INTS7: variants seen among roughly 807,000 people sequenced by gnomAD.
The protein encoded by INTS7 is integrator complex subunit 7.
Under a neutral mutation model 109.2 loss-of-function variants are expected in INTS7, and 46 were observed. The ratio of observed to expected loss-of-function variants is 0.42; its 90% confidence interval spans 0.33 to 0.54. The LOEUF (loss-of-function observed/expected upper bound fraction) is 0.54. INTS7 is among the 20% of genes least tolerant of loss of function. The pLI is 0.07. For synonymous variants in INTS7, 412 were observed against 402.9 expected (o/e 1.02, Z -0.27); for missense variants, 929 against 1,132.4 (o/e 0.82, Z 2.58).
chr1:212,010,522 G>A (rs973542672), intron 5 of INTS7, among the ~76,000 whole-genome samples: 1 of 151,932 alleles, frequency 6.6e-6, no homozygotes, highest in Non-Finnish European at 1.5e-5. Context: ...CTCTCACACA[G>A]AGCAGTCTTC....
intron 16 of INTS7, among the ~76,000 whole-genome samples, chr1:211,956,578 T>C (rs528046952): frequency 1.3e-5 from 2 of 152,226 alleles, no homozygotes; most frequent in African/African-American, 2.4e-5. Flanking sequence ...AGATTTGTAA[T>C]GATGCCACTA....
intron 7 of INTS7, among the ~76,000 whole-genome samples, chr1:212,005,987 CATG>C (rs1171273733): frequency 1.3e-5 from 2 of 152,102 alleles, no homozygotes; most frequent in African/African-American, 2.4e-5. Flanking sequence ...CCACTGGAGT[CATG>C]ATGAAGCTGA....
intron 1 of INTS7, among the ~76,000 whole-genome samples, chr1:212,024,762 T>C (rs1666849035): frequency 6.6e-6 from 1 of 152,134 alleles, no homozygotes; most frequent in Non-Finnish European, 1.5e-5. Context: ...TACAAACACA[T>C]AGTCTGCTAT....
intron 16 of INTS7, among the ~76,000 whole-genome samples, chr1:211,954,973 T>C (rs1233293841): frequency 2.6e-5 from 4 of 152,348 alleles, no homozygotes; most frequent in Admixed American, 2.6e-4. Flanking sequence ...ATTGAATCTA[T>C]AAATTACCTT....
At chr1:211,947,237 C>T (rs1333346067) in intron 17 of INTS7, among the ~76,000 whole-genome samples, 1 of 152,120 alleles carries the variant, frequency 6.6e-6, no homozygotes, top group African/African-American at 2.4e-5. Context: ...AATCCTGAAA[C>T]TCTAATAAAA....
intron 17 of INTS7, among the ~76,000 whole-genome samples, chr1:211,947,333 G>A (rs1442430804): frequency 6.6e-6 from 1 of 152,148 alleles, no homozygotes; most frequent in Admixed American, 6.5e-5. Context: ...ACACCACAGA[G>A]AATATTTTGA....
At chr1:211,974,579 C>CA (rs1664335463) in intron 13 of INTS7, among the ~76,000 whole-genome samples, 1 of 151,740 alleles carries the variant, frequency 6.6e-6, no homozygotes, top group Non-Finnish European at 1.5e-5. Context: ...TGCATTAATA[C>CA]AAAAAATGCT....
chr1:211,987,867 T>G lies in INTS7; in HGVS notation c.997+19A>C. On this transcript the variant is annotated intron_variant, in intron 8 of 19. Transcript: ENST00000366994. ...GAGTTAGCACATTATTTATATGGTA[T>G]CTCCTGTCTTTTCCTTACCTGGAAC... 7.7e-7 allele frequency: 1 copy of G among 1,290,624 alleles called. No individual in the cohort carries two copies. The highest frequency in any genetic ancestry group is 1.1e-6 in the Non-Finnish European group (1 of 894,566). 79.9% of individuals were successfully genotyped at this position (1,290,624 alleles called of 1,614,324 possible). A position where few individuals can be genotyped will look rare whatever the true frequency, so the allele number is the denominator to read the frequency against.
chr1:211,997,814 G>A (rs1405396542), intron 7 of INTS7, among the ~76,000 whole-genome samples: 2 of 151,328 alleles, frequency 1.3e-5, no homozygotes, highest in African/African-American at 4.9e-5. Context: ...GGGAGGTGGA[G>A]GCTGCAGTAA....
intron 3 of INTS7, among the ~76,000 whole-genome samples, chr1:212,018,812 C>G (rs1225799547): frequency 6.6e-6 from 1 of 152,162 alleles, no homozygotes; most frequent in Non-Finnish European, 1.5e-5. Flanking sequence ...TAGCTATTCC[C>G]ATGTCGATTT....
intron 7 of INTS7, among the ~76,000 whole-genome samples, chr1:211,989,222 T>C (rs949464792): frequency 1.3e-5 from 2 of 151,946 alleles, no homozygotes; most frequent in African/African-American, 4.8e-5. Context: ...TGTGGAAAAA[T>C]AAAAATCAGA....
intron 1 of INTS7, among the ~76,000 whole-genome samples, chr1:212,024,294 G>A (rs147489356): frequency 2.6e-5 from 4 of 152,080 alleles, no homozygotes; most frequent in African/African-American, 9.6e-5. Context: ...GATTGCTTTG[G>A]GCAGTTTGGC....
chr1:211,994,724 T>C (rs1176672379), intron 7 of INTS7, among the ~76,000 whole-genome samples: 1 of 150,292 alleles, frequency 6.7e-6, no homozygotes, highest in Non-Finnish European at 1.5e-5. Context: ...TGAGCTACTG[T>C]GCCCAGAGGA....
At chr1:212,014,337 C>T (rs1312959960) in intron 4 of INTS7, among the ~76,000 whole-genome samples, 5 of 151,550 alleles carry the variant, frequency 3.3e-5, no homozygotes, top group Admixed American at 3.3e-4. Context: ...TGGTGGCAGG[C>T]GCCTGTAATC....
intron 4 of INTS7, among the ~76,000 whole-genome samples, chr1:212,015,731 A>C (rs1402669826): frequency 6.8e-6 from 1 of 146,252 alleles, no homozygotes; most frequent in Non-Finnish European, 1.5e-5. Context: ...AAAAAAAAAA[A>C]AAAAAAAAAA....
chr1:211,952,616 C>T lies in INTS7; in HGVS notation c.2269G>A (p.Glu757Lys). The change falls in exon 17 of 20, where the codon GAG becomes AAG. Residue 757 changes from glutamate (E) to lysine (K), a missense_variant. Glu to Lys is a moderately conservative substitution (Grantham distance 56). Transcript: ENST00000366994. ...TTCCGATTGAGTGATTCTACCTCCTCCAAGACATGATTATATACAGACATC... is the reference window on the plus strand; with the variant it reads ...TTCCGATTGAGTGATTCTACCTCCTTCAAGACATGATTATATACAGACATC... ...RMMSVYNHVL[E>K]EVESLNRKYT... The T allele has an allele frequency of 6.2e-7, 1 of 1,613,112 alleles. No homozygotes were observed. Among genetic ancestry groups the T allele is most frequent in the Non-Finnish European group, 8.5e-7 (1 of 1,179,318 alleles).
chr1:211,958,421 AAAT>A (rs1187689951), intron 16 of INTS7, among the ~76,000 whole-genome samples: 2 of 150,758 alleles, frequency 1.3e-5, no homozygotes, highest in African/African-American at 4.9e-5. Context: ...CTTCCCTTCT[AAAT>A]AATATCTTCT....
chr1:211,952,394 G>T, intron 17 of INTS7, 175 bp downstream of exon 17: 1 of 513,200 alleles, frequency 1.9e-6, no homozygotes. Flanking sequence ...GTACTTTCAT[G>T]GATTATCTCA....
At chr1:212,024,438 C>T (rs1666834402) in intron 1 of INTS7, among the ~76,000 whole-genome samples, 1 of 151,976 alleles carries the variant, frequency 6.6e-6, no homozygotes, top group African/African-American at 2.4e-5. Context: ...AGATGTATTC[C>T]TAGGCATTTT....
Sources: allele counts gnomAD v4.1 joint callset (sites outside exome capture counted in the v4.1 genomes callset), GRCh38; gene constraint gnomAD v4.1.1; transcripts MANE v1.5; gene names NCBI Gene and HGNC (gene_info 2026-07-23, HGNC 2026-07-21).